Variants in CARMIL1 observed in about 807,000 individuals in gnomAD.
The protein encoded by CARMIL1 is capping protein regulator and myosin 1 linker 1.
CARMIL1 carries 90 observed loss-of-function variants against 177.1 expected under a neutral mutation model. That is an observed-to-expected ratio of 0.51 (90% confidence interval 0.43 to 0.61). The LOEUF is 0.61. Ranked by LOEUF, CARMIL1 falls within the 20% of genes least tolerant of loss-of-function variation. The probability of loss-of-function intolerance (pLI) is 0.00; values close to 1 mark genes in which losing one functional copy is unlikely to be tolerated. For synonymous variants in CARMIL1, 577 were observed against 606.2 expected (o/e 0.95, Z 0.71); for missense variants, 1,380 against 1,667.0 (o/e 0.83, Z 3.00).
chr6:25,546,671 A>AC (rs200591624), intron 26 of CARMIL1, among the ~76,000 whole-genome samples: 662 of 53,868 alleles, frequency 0.012, 2 homozygotes, highest in South Asian at 0.035. Flanking sequence ...AACAACAACA[A>AC]AAAAAAAAAA....
chr6:25,403,248 T>A (rs1322650498), intron 2 of CARMIL1, among the ~76,000 whole-genome samples: 1 of 152,160 alleles, frequency 6.6e-6, no homozygotes. Context: ...TATTCCAATT[T>A]CACTTCCTCA....
At chr6:25,503,902 T>C (rs2151029480) in intron 17 of CARMIL1, among the ~76,000 whole-genome samples, 1 of 152,166 alleles carries the variant, frequency 6.6e-6, no homozygotes, top group East Asian at 1.9e-4. Context: ...ATCATTGTGC[T>C]TGGGGCCGTG....
chr6:25,542,964 T>C (rs1274774444), intron 26 of CARMIL1, among the ~76,000 whole-genome samples: 4 of 152,210 alleles, frequency 2.6e-5, no homozygotes, highest in Non-Finnish European at 5.9e-5. Flanking sequence ...TTTTCCTTTT[T>C]CTGTTTCCCA....
At chr6:25,283,741 C>T (rs1374273774) in intron 1 of CARMIL1, among the ~76,000 whole-genome samples, 1 of 152,030 alleles carries the variant, frequency 6.6e-6, no homozygotes, top group East Asian at 1.9e-4. Context: ...GAGACAGAGT[C>T]TCACTGTGTC....
chr6:25,528,838 T>C lies in CARMIL1; in HGVS notation c.2012T>C (p.Leu671Pro). ...CGAAATCACGAGACTAGAAAATACC[T>C]TCAAGAGCAGGCCTACCGCCTGCAG... ...LLRNHETRKY[L>P]QEQAYRLQQG... Residue 671 changes from leucine to proline, a missense_variant, in exon 24 of 37, where the codon CTT (leucine) becomes CCT (proline). By Grantham distance (98) the Leu-to-Pro change is moderately conservative. Coordinates refer to ENST00000329474, the MANE Select transcript of CARMIL1 (RefSeq NM_017640.6). The C allele has an allele frequency of 6.2e-7, 1 of 1,610,412 alleles. No homozygotes were observed.
At chr6:25,577,000 A>G in intron 29 of CARMIL1, 1 of 984,878 alleles carries the variant, frequency 1.0e-6, no homozygotes, top group Non-Finnish European at 1.2e-6. Flanking sequence ...AAGTGTAAGT[A>G]TTTTTTGGTG....
At chr6:25,469,522 T>C (rs1398069005) in intron 9 of CARMIL1, among the ~76,000 whole-genome samples, 1 of 152,174 alleles carries the variant, frequency 6.6e-6, no homozygotes, top group Non-Finnish European at 1.5e-5. Flanking sequence ...AGGAGAATTT[T>C]AAAATCACTT....
At chr6:25,350,670 T>G (rs1438846652) in intron 2 of CARMIL1, 1 of 152,208 alleles carries the variant, frequency 6.6e-6, no homozygotes, top group African/African-American at 2.4e-5. Flanking sequence ...AAGTAATTCC[T>G]TTAAAGTTCT....
chr6:25,284,348 G>T (rs1024218443), intron 1 of CARMIL1, among the ~76,000 whole-genome samples: 1 of 152,156 alleles, frequency 6.6e-6, no homozygotes, highest in Admixed American at 6.5e-5. Context: ...TATACAGTAC[G>T]AGGTACAAAG....
chr6:25,593,431 A>G (rs1814513189), intron 31 of CARMIL1, among the ~76,000 whole-genome samples: 1 of 152,208 alleles, frequency 6.6e-6, no homozygotes. Context: ...CTTCTTCCTT[A>G]GCATAAGGCT....
At chr6:25,452,488 G>T (rs1045455409) in intron 8 of CARMIL1, 2 of 354,240 alleles carry the variant, frequency 5.6e-6, no homozygotes. Context: ...TCGATCTTTG[G>T]TTTTTGTGGG....
In CARMIL1 at chr6:25,387,114, C is replaced by CAAAAAAAAAAA. The variant is rs377548646; in HGVS notation, c.139-32991_139-32981dup. ...GGGTGACAGAGTGAGACTCTGTCTC[C>CAAAAAAAAAAA]AAAAAAAAAAAAAAAAAAATCACAA... On this transcript the variant is annotated intron_variant, in intron 2 of 36. Transcript: ENST00000329474. 9.2e-3 allele frequency among the ~76,000 whole-genome samples: 941 copies of CAAAAAAAAAAA among 101,798 alleles called. 65 individuals are homozygous for CAAAAAAAAAAA. Among genetic ancestry groups the CAAAAAAAAAAA allele is most frequent in the African/African-American group, 0.039 (875 of 22,392 alleles). The allele number at this position is 101,798 out of a possible 152,430, so 66.8% of individuals were successfully genotyped here.
intron 33 of CARMIL1, 76 bp downstream of exon 33, chr6:25,600,822 A>C: frequency 7.9e-7 from 1 of 1,267,518 alleles, no homozygotes; most frequent in South Asian, 1.7e-5. Context: ...GGTGCATGTG[A>C]TATTTTTATG....
At chr6:25,548,051 G>C (rs1014039529) in intron 26 of CARMIL1, among the ~76,000 whole-genome samples, 1 of 152,100 alleles carries the variant, frequency 6.6e-6, no homozygotes, top group African/African-American at 2.4e-5. Flanking sequence ...AACAGAGCCT[G>C]GATCATACGG....
chr6:25,443,877 C>T (rs1242710160), intron 5 of CARMIL1, among the ~76,000 whole-genome samples: 2 of 151,908 alleles, frequency 1.3e-5, no homozygotes, highest in African/African-American at 4.8e-5. Flanking sequence ...GATCTCGGCT[C>T]ACTGCAACCT....
chr6:25,505,348 T>C (rs2151033060), intron 17 of CARMIL1, among the ~76,000 whole-genome samples: 1 of 152,324 alleles, frequency 6.6e-6, no homozygotes, highest in East Asian at 1.9e-4. Flanking sequence ...GTAGGTTAGT[T>C]CTAAAGAGCT....
intron 8 of CARMIL1, among the ~76,000 whole-genome samples, chr6:25,462,484 G>T (rs1272829714): frequency 2.0e-5 from 3 of 152,174 alleles, no homozygotes; most frequent in Non-Finnish European, 2.9e-5. Flanking sequence ...TCAGGGCAGG[G>T]ACCATTTTCT....
At chr6:25,397,779 A>G (rs1023064526) in intron 2 of CARMIL1, among the ~76,000 whole-genome samples, 3 of 152,074 alleles carry the variant, frequency 2.0e-5, no homozygotes, top group African/African-American at 7.2e-5. Flanking sequence ...ACTCCTAGGT[A>G]TTCCATCACT....
chr6:25,478,342 T>C (rs1483094166), intron 11 of CARMIL1, among the ~76,000 whole-genome samples: 1 of 152,180 alleles, frequency 6.6e-6, no homozygotes, highest in Non-Finnish European at 1.5e-5. Flanking sequence ...GCTTCACAGC[T>C]TTCTAGCTAA....
Sources: allele counts gnomAD v4.1 joint callset (sites outside exome capture counted in the v4.1 genomes callset), GRCh38; gene constraint gnomAD v4.1.1; transcripts MANE v1.5; gene names NCBI Gene and HGNC (gene_info 2026-07-23, HGNC 2026-07-21).